GPHN: variants seen among roughly 807,000 people sequenced by gnomAD.
GPHN encodes gephyrin.
A neutral mutation model predicts 95.5 loss-of-function variants in GPHN; 17 were observed. The ratio of observed to expected loss-of-function variants is 0.18; its 90% CI spans 0.12 to 0.27. GPHN has a LOEUF of 0.27. GPHN is among the 10% of genes least tolerant of loss of function. The pLI, the probability that GPHN is intolerant of heterozygous loss-of-function variation, is 1.00. For missense variants in GPHN, 660 were observed against 978.1 expected (o/e 0.67, Z 4.34); for synonymous variants, 320 against 322.5 (o/e 0.99, Z 0.08).
chr14:67,126,714 A>G lies in GPHN; in HGVS notation c.1748+4337A>G, dbSNP rs2079340594. On this transcript the variant is annotated intron_variant, in intron 17 of 22. Coordinates refer to ENST00000478722, the MANE Select transcript of GPHN (RefSeq NM_020806.5). ...AATTCCTCAGGGATCTAGAACTAGA[A>G]ATACCATTTGACCCAGCCATCCCAT... 2.0e-5 allele frequency among the ~76,000 whole-genome samples: 3 copies of G among 152,278 alleles called. 1 individual carries two copies. In the South Asian group the frequency reaches 6.2e-4, roughly 32 times the overall value.
chr14:67,226,403 C>T, the GPHN span, among the ~76,000 whole-genome samples: 1 of 152,086 alleles, frequency 6.6e-6, no homozygotes, highest in African/African-American at 2.4e-5. Context: ...GCTCTGTCAC[C>T]AGGCTGGAGT....
At chr14:67,574,363 G>A in the GPHN span, 15 of 1,592,798 alleles carry the variant, frequency 9.4e-6, no homozygotes, top group East Asian at 9.1e-5. The surrounding 1 kb of genome is among the most constrained non-coding windows in gnomAD (Gnocchi z 4.2). Flanking sequence ...GCTCTGCTTC[G>A]GGGTGGCACC....
chr14:67,301,838 TTTA>T, the GPHN span: 1 of 1,040,218 alleles, frequency 9.6e-7, no homozygotes, highest in East Asian at 2.8e-5. Flanking sequence ...TTAACACATC[TTTA>T]TTATTAGCTC....
chr14:66,957,437 C>T lies in GPHN; in HGVS notation c.829-7754C>T, dbSNP rs2068599321. Among the ~76,000 whole-genome samples, 3 of 151,870 alleles carry T rather than the reference C, an allele frequency of 2.0e-5. No individual in the cohort carries two copies. The South Asian group carries it at 6.2e-4, about 31-fold the overall frequency. On this transcript the variant is annotated intron_variant, in intron 8 of 22. Coordinates refer to ENST00000478722, the MANE Select transcript of GPHN (RefSeq NM_020806.5). ...TCTTGAGCAGCTGACCTCAGGTGAT[C>T]CACCCACCTCGGCCTCCCAAATTGT... is the stretch of plus-strand genomic sequence containing the variant.
At chr14:66,627,738 GATTAT>G (rs1294039453) in intron 1 of GPHN, among the ~76,000 whole-genome samples, 2 of 152,038 alleles carry the variant, frequency 1.3e-5, no homozygotes, top group African/African-American at 4.8e-5. Context: ...GATGTACGTA[GATTAT>G]ATTACAGTGA....
At chr14:67,279,294 G>T in the GPHN span, 1 of 1,613,948 alleles carries the variant, frequency 6.2e-7, no homozygotes, top group Non-Finnish European at 8.5e-7. Context: ...CTGCCCTGGA[G>T]ATTTGGGCAC....
intron 1 of GPHN, among the ~76,000 whole-genome samples, chr14:66,593,043 CAGAAAG>C (rs1008034018): frequency 6.6e-6 from 1 of 152,084 alleles, no homozygotes; most frequent in Non-Finnish European, 1.5e-5. Context: ...ATAACTAACA[CAGAAAG>C]AGAAAACCAA....
At chr14:67,711,988 A>G in the GPHN span, among the ~76,000 whole-genome samples, 14 of 152,028 alleles carry the variant, frequency 9.2e-5, no homozygotes, top group Non-Finnish European at 1.9e-4. Context: ...GGTGCGATCT[A>G]GGCTCACTGC....
chr14:67,119,638 A>G (rs2078894772), intron 16 of GPHN, among the ~76,000 whole-genome samples: 2 of 152,076 alleles, frequency 1.3e-5, no homozygotes, highest in South Asian at 4.1e-4. Flanking sequence ...TAAAAATACA[A>G]AATTAGCCGG....
intron 4 of GPHN, among the ~76,000 whole-genome samples, chr14:66,876,577 C>T (rs2063674215): frequency 6.6e-6 from 1 of 151,994 alleles, no homozygotes; most frequent in Non-Finnish European, 1.5e-5. Flanking sequence ...ACACTGATCC[C>T]ACCAAAATAC....
At chr14:67,049,506 G>A (rs1388674152) in intron 10 of GPHN, among the ~76,000 whole-genome samples, 4 of 150,356 alleles carry the variant, frequency 2.7e-5, no homozygotes, top group African/African-American at 9.8e-5. Context: ...AATAAGAGAA[G>A]TCTGTGACAA....
intron 2 of GPHN, among the ~76,000 whole-genome samples, chr14:66,756,072 C>A (rs567876670): frequency 6.6e-6 from 1 of 152,242 alleles, no homozygotes; most frequent in African/African-American, 2.4e-5. Context: ...TTACCTCTAA[C>A]CCCAGGATAT....
chr14:66,768,551 A>T (rs1442316603), intron 2 of GPHN, among the ~76,000 whole-genome samples: 1 of 152,034 alleles, frequency 6.6e-6, no homozygotes, highest in Non-Finnish European at 1.5e-5. Flanking sequence ...TTATGATGAT[A>T]AAAGGATCAA....
At chr14:67,388,207 C>T in the GPHN span, 2 of 1,583,064 alleles carry the variant, frequency 1.3e-6, no homozygotes, top group Non-Finnish European at 1.7e-6. Context: ...CAGGCCAGGG[C>T]TGAAGTTGTA....
At chr14:67,306,388 A>G in the GPHN span, among the ~76,000 whole-genome samples, 3 of 151,932 alleles carry the variant, frequency 2.0e-5, no homozygotes, top group Middle Eastern at 3.4e-3. Context: ...TCTGTCGCCC[A>G]GGCTGGAGTA....
At chr14:67,541,729 C>T in the GPHN span, 1 of 738,786 alleles carries the variant, frequency 1.4e-6, no homozygotes, top group Non-Finnish European at 2.1e-6. Flanking sequence ...TTTCTCTTCC[C>T]CAGCCCTGTT....
rs573106650 is a variant in GPHN, at chr14:67,070,930, G to T, written c.1144+12144G>T. 3.3e-5 allele frequency among the ~76,000 whole-genome samples: 5 copies of T among 151,986 alleles called. No individual in the cohort carries two copies. In the East Asian group the frequency reaches 9.7e-4, roughly 29 times the overall value. ...GAGAAATGCAAATCAAAACTACAAT[G>T]AGACACCATCTCACACCAGTTAGAA... On this transcript the variant is annotated intron_variant, in intron 11 of 22. Coordinates refer to ENST00000478722, the MANE Select transcript of GPHN (RefSeq NM_020806.5).
chr14:67,197,608 C>T, the GPHN span, among the ~76,000 whole-genome samples: 3 of 152,098 alleles, frequency 2.0e-5, no homozygotes, highest in Admixed American at 6.5e-5. Context: ...TCATAAGGAG[C>T]GCGCAACCAA....
At chr14:67,394,927 C>T in the GPHN span, among the ~76,000 whole-genome samples, 2 of 152,156 alleles carry the variant, frequency 1.3e-5, no homozygotes. Context: ...CCTGCACTGC[C>T]TCAGGACTCT....
Sources: gnomAD v4.1 joint callset for allele counts (sites outside exome capture counted in the v4.1 genomes callset) on GRCh38, gnomAD v4.1.1 for gene constraint, Gnocchi (gnomAD v3.1) non-coding constraint, MANE v1.5 for transcripts, NCBI Gene and HGNC (gene_info 2026-07-23, HGNC 2026-07-21) for gene names.